FAM78B: variants seen among roughly 807,000 people sequenced by gnomAD.
The protein encoded by FAM78B is family with sequence similarity 78 member B, also known as protein FAM78B.
In FAM78B, 10 loss-of-function variants were observed where a neutral mutation model predicts 20.0. The observed-to-expected ratio is 0.50, with a 90% CI of 0.31 to 0.85. The LOEUF (loss-of-function observed/expected upper bound fraction) is 0.85, where lower values mean the gene tolerates loss of function less well. Ranked by LOEUF, FAM78B falls within the 40% of genes least tolerant of loss-of-function variation. The probability of loss-of-function intolerance (pLI) is 0.05; values close to 1 mark genes in which losing one functional copy is unlikely to be tolerated. For synonymous variants in FAM78B, 135 were observed against 132.8 expected (o/e 1.02, Z -0.12); for missense variants, 283 against 345.0 (o/e 0.82, Z 1.42).
chr1:166,138,952 C>T (rs997875134), intron 1 of FAM78B, among the ~76,000 whole-genome samples: 2 of 152,206 alleles, frequency 1.3e-5, no homozygotes, highest in African/African-American at 2.4e-5. Context: ...TACATGACAA[C>T]CCCTCAAATA....
At chr1:166,120,953 C>T (rs1015901547) in intron 1 of FAM78B, among the ~76,000 whole-genome samples, 1 of 152,226 alleles carries the variant, frequency 6.6e-6, no homozygotes, top group African/African-American at 2.4e-5. Context: ...TAAGTCAATA[C>T]AGTAACACTA....
chr1:166,058,745 T>C (rs896023007), exon 3 of FAM78B: 1 of 152,566 alleles, frequency 6.6e-6, no homozygotes, highest in Non-Finnish European at 1.5e-5. Context: ...AGACAGTGTG[T>C]GCACATGTAC....
At chr1:166,085,857 T>C (rs182846011) in intron 1 of FAM78B, among the ~76,000 whole-genome samples, 1 of 152,216 alleles carries the variant, frequency 6.6e-6, no homozygotes, top group Admixed American at 6.5e-5. Flanking sequence ...AAGAGATGTG[T>C]TTACTAGGGC....
chr1:166,119,928 G>C (rs1213628954), intron 1 of FAM78B, among the ~76,000 whole-genome samples: 1 of 152,204 alleles, frequency 6.6e-6, no homozygotes, highest in Non-Finnish European at 1.5e-5. Flanking sequence ...GGGAAGCTAA[G>C]CATGAAAGAG....
At chr1:166,088,498 C>T (rs1000580315) in intron 1 of FAM78B, among the ~76,000 whole-genome samples, 12 of 152,118 alleles carry the variant, frequency 7.9e-5, no homozygotes, top group South Asian at 2.1e-4. Context: ...ATGACTGTCA[C>T]GAAGGCTCTC....
At chr1:166,153,680 G>A (rs1021933616) in intron 1 of FAM78B, among the ~76,000 whole-genome samples, 1 of 152,182 alleles carries the variant, frequency 6.6e-6, no homozygotes, top group African/African-American at 2.4e-5. Context: ...GACTATGTAA[G>A]GGGGAGGTGG....
At chr1:166,133,517 A>T (rs1179813983) in intron 1 of FAM78B, among the ~76,000 whole-genome samples, 1 of 147,426 alleles carries the variant, frequency 6.8e-6, no homozygotes, top group Non-Finnish European at 1.5e-5. Flanking sequence ...TGCAAATCCC[A>T]CAAATGTGTA....
chr1:166,109,872 A>ATATATATG (rs1653960713), intron 1 of FAM78B, among the ~76,000 whole-genome samples: 1 of 21,384 alleles, frequency 4.7e-5, no homozygotes. Context: ...GTATGTGTAT[A>ATATATATG]TATATATATG....
intron 1 of FAM78B, among the ~76,000 whole-genome samples, chr1:166,111,236 A>G (rs902408527): frequency 2.0e-5 from 3 of 152,198 alleles, no homozygotes; most frequent in East Asian, 3.9e-4. Context: ...TTCTGCATCA[A>G]GGACACTCCA....
At chr1:166,067,134 GATA>G (rs1651825754), downstream of FAM78B, among the ~76,000 whole-genome samples, 1 of 152,174 alleles carries the variant, frequency 6.6e-6, no homozygotes, top group East Asian at 1.9e-4. Flanking sequence ...TAGGGATGAT[GATA>G]ATGTTTTGGT....
Position 166,109,820 on chromosome 1 carries a change from ATATATATATATGTATATATG to A in FAM78B, c.264-39077_264-39058del, listed in dbSNP as rs1401933413. On this transcript the variant is annotated intron_variant, in intron 1 of 1. Coordinates refer to ENST00000354422, the MANE Select transcript of FAM78B (RefSeq NM_001017961.5). ...GTGATATATATGTATATATGTATAT[ATATATATATATGTATATATG>A]TATATATATATATATATATATGTAT... Among the ~76,000 whole-genome samples the A allele has an allele frequency of 1.6e-3, 29 of 18,488 alleles. 1 individual carries two copies. The highest frequency in any genetic ancestry group is 3.8e-3 in the African/African-American group (19 of 4,936). The allele number at this position is 18,488 out of a possible 152,430, so 12.1% of individuals were successfully genotyped here.
rs149653961 is a variant in FAM78B, at chr1:166,101,541, C to T, written c.264-30778G>A. ...GGACCTGATGGAGCTGAAAACCATA[C>T]CACAAGAACTATGTGACGAATGCGC... On this transcript the variant is annotated intron_variant, in intron 1 of 1. Coordinates refer to ENST00000354422, the MANE Select transcript of FAM78B (RefSeq NM_001017961.5). Among the ~76,000 whole-genome samples the T allele has an allele frequency of 8.6e-3, 1,305 of 152,268 alleles. 6 individuals are homozygous for T. The highest frequency in any genetic ancestry group is 0.012 in the Non-Finnish European group (794 of 68,018).
intron 1 of FAM78B, among the ~76,000 whole-genome samples, chr1:166,141,578 T>C (rs752743580): frequency 3.9e-5 from 6 of 152,200 alleles, no homozygotes; most frequent in African/African-American, 7.2e-5. Flanking sequence ...GTTAAACTAG[T>C]AAATGCAGAA....
intron 1 of FAM78B, among the ~76,000 whole-genome samples, chr1:166,130,827 G>A (rs539135226): frequency 1.3e-5 from 2 of 152,238 alleles, no homozygotes; most frequent in Non-Finnish European, 2.9e-5. Context: ...TCTTTCTCCT[G>A]CATTGTGTGT....
intron 1 of FAM78B, among the ~76,000 whole-genome samples, chr1:166,151,360 C>T (rs911016861): frequency 3.3e-5 from 5 of 152,144 alleles, no homozygotes; most frequent in Non-Finnish European, 7.3e-5. Context: ...AGTGGAAAGT[C>T]GTTAAGTACT....
intron 1 of FAM78B, among the ~76,000 whole-genome samples, chr1:166,095,266 C>T (rs144989308): frequency 3.3e-5 from 5 of 151,998 alleles, no homozygotes; most frequent in African/African-American, 9.7e-5. Flanking sequence ...ATGGCATACT[C>T]GATGCAGCAG....
At chr1:166,097,062 A>T (rs570783790) in intron 1 of FAM78B, among the ~76,000 whole-genome samples, 1 of 152,344 alleles carries the variant, frequency 6.6e-6, no homozygotes, top group East Asian at 1.9e-4. Flanking sequence ...CTGCAGAAGC[A>T]GGAAAGGGAG....
At chr1:166,059,499 A>G (rs10800180) in exon 3 of FAM78B, 37,970 of 152,160 alleles carry the variant, frequency 0.25, 5,084 homozygotes, top group Middle Eastern at 0.31. Context: ...GCAGGGGACC[A>G]GGCATGGATA....
At chr1:166,078,720 A>C (rs957548664) in intron 1 of FAM78B, among the ~76,000 whole-genome samples, 3 of 152,022 alleles carry the variant, frequency 2.0e-5, no homozygotes, top group African/African-American at 7.3e-5. Flanking sequence ...GGCTGGCAGC[A>C]ACATTCTTGG....
Sources: gnomAD v4.1 joint callset for allele counts (sites outside exome capture counted in the v4.1 genomes callset) on GRCh38, gnomAD v4.1.1 for gene constraint, MANE v1.5 for transcripts, NCBI Gene and HGNC (gene_info 2026-07-23, HGNC 2026-07-21) for gene names.